SUMF1: variants seen among roughly 807,000 people sequenced by gnomAD.
The protein encoded by SUMF1 is formylglycine-generating enzyme.
Under a neutral mutation model 47.6 loss-of-function variants are expected in SUMF1, and 48 were observed. The ratio of observed to expected loss-of-function variants is 1.01; its 90% CI spans 0.80 to 1.28. SUMF1 has a LOEUF of 1.28. SUMF1 is among the 50% of genes most tolerant of loss of function. The pLI, the probability that SUMF1 is intolerant of heterozygous loss-of-function variation, is 0.00. For synonymous variants in SUMF1, 230 were observed against 192.1 expected (o/e 1.20, Z -1.63); for missense variants, 571 against 485.4 (o/e 1.18, Z -1.66).
chr3:4,075,918 G>C (rs59165715), intron 8 of SUMF1, among the ~76,000 whole-genome samples: 16,822 of 152,102 alleles, frequency 0.11, 1,956 homozygotes, highest in African/African-American at 0.27. Context: ...ACTGCCTAAA[G>C]TAATTTATAG....
chr3:4,299,843 CATA>C (rs990572482), intron 8 of SUMF1, among the ~76,000 whole-genome samples: 3 of 152,138 alleles, frequency 2.0e-5, no homozygotes, highest in Admixed American at 2.0e-4. Flanking sequence ...GTATCTGGTA[CATA>C]ATAAGTCAAT....
intron 8 of SUMF1, among the ~76,000 whole-genome samples, chr3:4,373,631 C>G (rs1700235259): frequency 6.7e-6 from 1 of 149,992 alleles, no homozygotes; most frequent in African/African-American, 2.4e-5. Flanking sequence ...TCAAACATTT[C>G]AATAATAACA....
At chr3:4,035,733 C>T (rs1350560649) in intron 9 of SUMF1, among the ~76,000 whole-genome samples, 1 of 152,054 alleles carries the variant, frequency 6.6e-6, no homozygotes, top group East Asian at 1.9e-4. Context: ...CAAATGTGCC[C>T]AATGGTGATA....
At chr3:4,466,832 T>C (rs2079960656) in intron 1 of SUMF1, 144 bp downstream of exon 1, 6 of 1,274,158 alleles carry the variant, frequency 4.7e-6, no homozygotes, top group South Asian at 4.6e-5. Context: ...GAGAAGGAAC[T>C]CCTCATACGG....
chr3:4,196,572 G>A (rs1695434273), intron 8 of SUMF1, among the ~76,000 whole-genome samples: 1 of 152,100 alleles, frequency 6.6e-6, no homozygotes, highest in African/African-American at 2.4e-5. Flanking sequence ...CTTGGCTGAG[G>A]CACTTCCCAG....
At chr3:4,094,832 G>A (rs933143236) in intron 8 of SUMF1, among the ~76,000 whole-genome samples, 1 of 152,034 alleles carries the variant, frequency 6.6e-6, no homozygotes, top group African/African-American at 2.4e-5. Flanking sequence ...ATATCACAAA[G>A]AGAAAAGAGA....
At chr3:4,093,014 T>C (rs1315601994) in intron 8 of SUMF1, among the ~76,000 whole-genome samples, 1 of 152,152 alleles carries the variant, frequency 6.6e-6, no homozygotes, top group Non-Finnish European at 1.5e-5. Context: ...ACTGAATACA[T>C]GCAGTGCTTA....
At chr3:4,378,722 A>G (rs1393887279) in intron 7 of SUMF1, among the ~76,000 whole-genome samples, 1 of 152,158 alleles carries the variant, frequency 6.6e-6, no homozygotes, top group Non-Finnish European at 1.5e-5. Flanking sequence ...CTCCCATGTA[A>G]TGGCCACACT....
intron 8 of SUMF1, among the ~76,000 whole-genome samples, chr3:4,353,168 G>C (rs953342132): frequency 1.3e-5 from 2 of 152,228 alleles, no homozygotes; most frequent in Non-Finnish European, 2.9e-5. Context: ...AGAGCTGGAG[G>C]CAGGAGGATG....
intron 8 of SUMF1, among the ~76,000 whole-genome samples, chr3:4,167,296 T>C (rs903671088): frequency 2.0e-5 from 3 of 152,156 alleles, no homozygotes; most frequent in Non-Finnish European, 4.4e-5. Flanking sequence ...TGGCCAGCTT[T>C]TATTCCCTTA....
At chr3:4,320,544 A>AT (rs768632620) in intron 8 of SUMF1, among the ~76,000 whole-genome samples, 1 of 152,180 alleles carries the variant, frequency 6.6e-6, no homozygotes, top group Non-Finnish European at 1.5e-5. Context: ...CATAAAATGA[A>AT]TAGGGGCTTG....
At chr3:4,348,174 CTA>C (rs1435888476) in intron 8 of SUMF1, among the ~76,000 whole-genome samples, 1 of 152,158 alleles carries the variant, frequency 6.6e-6, no homozygotes, top group African/African-American at 2.4e-5. Flanking sequence ...TTAGAAAAAA[CTA>C]TTTTAAATTT....
intron 7 of SUMF1, among the ~76,000 whole-genome samples, chr3:4,384,558 T>C (rs1000762889): frequency 6.6e-6 from 1 of 152,212 alleles, no homozygotes; most frequent in Non-Finnish European, 1.5e-5. Flanking sequence ...GAATGTTATA[T>C]TAATATAAGT....
intron 9 of SUMF1, among the ~76,000 whole-genome samples, chr3:4,036,640 TC>T: frequency 6.8e-6 from 1 of 147,708 alleles, no homozygotes. Flanking sequence ...ACAGAGCTGG[TC>T]AACCAAGACC....
At chr3:4,294,672 G>A (rs180796752) in intron 8 of SUMF1, among the ~76,000 whole-genome samples, 18 of 152,068 alleles carry the variant, frequency 1.2e-4, no homozygotes, top group Admixed American at 3.9e-4. Flanking sequence ...AAGTTGTCAG[G>A]CTGCCCAGGT....
chr3:4,190,602 T>G (rs1695294312), intron 8 of SUMF1, among the ~76,000 whole-genome samples: 1 of 152,130 alleles, frequency 6.6e-6, no homozygotes, highest in African/African-American at 2.4e-5. Flanking sequence ...CATCCATTGA[T>G]CACCTTTCAT....
At chr3:4,116,543 G>T (rs931803833) in intron 8 of SUMF1, among the ~76,000 whole-genome samples, 7 of 152,078 alleles carry the variant, frequency 4.6e-5, no homozygotes. Flanking sequence ...CTTTAAAGGT[G>T]TTTAAAATTC....
intron 8 of SUMF1, among the ~76,000 whole-genome samples, chr3:4,239,352 G>C (rs1696485510): frequency 1.3e-5 from 2 of 152,010 alleles, no homozygotes; most frequent in African/African-American, 4.8e-5. Context: ...TGAATCTATA[G>C]ATTACTTTGG....
chr3:4,161,126 G>A (rs551744913), intron 8 of SUMF1, among the ~76,000 whole-genome samples: 4 of 152,268 alleles, frequency 2.6e-5, no homozygotes, highest in Non-Finnish European at 5.9e-5. Flanking sequence ...AGTGTTCTGT[G>A]GATTACCAGA....
Sources: allele counts gnomAD v4.1 joint callset (sites outside exome capture counted in the v4.1 genomes callset), GRCh38; gene constraint gnomAD v4.1.1; transcripts MANE v1.5; gene names NCBI Gene and HGNC (gene_info 2026-07-23, HGNC 2026-07-21).